Variants in QKI observed in about 807,000 individuals in gnomAD.
The protein encoded by QKI is KH domain-containing RNA-binding protein QKI.
Under a neutral mutation model 39.0 loss-of-function variants are expected in QKI, and 10 were observed. The ratio of observed to expected loss-of-function variants is 0.26; its 90% CI spans 0.16 to 0.43. QKI has a LOEUF of 0.43. Among genes scored for constraint, QKI ranks in the 20% least tolerant of loss-of-function variants. The probability of loss-of-function intolerance (pLI) is 1.00; values close to 1 mark genes in which losing one functional copy is unlikely to be tolerated. For synonymous variants in QKI, 204 were observed against 155.4 expected (o/e 1.31, Z -2.33); for missense variants, 218 against 428.0 (o/e 0.51, Z 4.33).
chr6:163,433,763 C>G (rs1446195812), intron 1 of QKI, among the ~76,000 whole-genome samples: 1 of 151,186 alleles, frequency 6.6e-6, no homozygotes, highest in East Asian at 1.9e-4. Context: ...TGAGACTCCT[C>G]TCATAAAAAA....
At chr6:163,550,774 A>G (rs1583206306) in intron 4 of QKI, among the ~76,000 whole-genome samples, 1 of 151,648 alleles carries the variant, frequency 6.6e-6, no homozygotes, top group Non-Finnish European at 1.5e-5. Flanking sequence ...GTGAAACCCC[A>G]TCTCTACTAA....
intron 7 of QKI, 31 bp from the exon 8 acceptor site, chr6:163,570,663 G>C: frequency 1.3e-6 from 2 of 1,592,912 alleles, no homozygotes; most frequent in Non-Finnish European, 8.5e-7. Context: ...TCTTTTTTTT[G>C]TTTTGTTTTT....
chr6:163,484,730 A>G (rs1361098699), intron 3 of QKI, among the ~76,000 whole-genome samples: 1 of 152,172 alleles, frequency 6.6e-6, no homozygotes, highest in Non-Finnish European at 1.5e-5. Flanking sequence ...ACTGTCTTAT[A>G]TGGGCATGGT....
chr6:163,561,923 A>T, intron 4 of QKI, 59 bp from the exon 5 acceptor site: 1 of 1,286,668 alleles, frequency 7.8e-7, no homozygotes. Context: ...GTGTAGATAT[A>T]GCTATTATAT....
intron 3 of QKI, among the ~76,000 whole-genome samples, chr6:163,488,571 AAG>A (rs1777831770): frequency 6.6e-6 from 1 of 152,160 alleles, no homozygotes; most frequent in Non-Finnish European, 1.5e-5. Flanking sequence ...TATTTCAAAA[AAG>A]GAATACAAAG....
intron 3 of QKI, among the ~76,000 whole-genome samples, chr6:163,522,713 T>C (rs1447089749): frequency 1.3e-5 from 2 of 152,278 alleles, no homozygotes; most frequent in Middle Eastern, 3.4e-3. Flanking sequence ...GTTCTCAAAG[T>C]TCATTTATGC....
chr6:163,457,747 G>A (rs1220634447), intron 2 of QKI, among the ~76,000 whole-genome samples: 1 of 151,934 alleles, frequency 6.6e-6, no homozygotes, highest in East Asian at 1.9e-4. Context: ...ACAGTAAGTG[G>A]TGAAGTGATG....
At chr6:163,453,050 A>G (rs1022411150) in intron 1 of QKI, among the ~76,000 whole-genome samples, 2 of 150,134 alleles carry the variant, frequency 1.3e-5, no homozygotes, top group African/African-American at 4.9e-5. Flanking sequence ...TTTTTAATCT[A>G]GTCATTTTAT....
chr6:163,446,672 A>T (rs542715339), intron 1 of QKI, among the ~76,000 whole-genome samples: 7 of 152,220 alleles, frequency 4.6e-5, no homozygotes, highest in Non-Finnish European at 8.8e-5. Context: ...ATTAACGTGT[A>T]AAAGTAAACA....
chr6:163,487,623 T>G (rs1362576667), intron 3 of QKI, among the ~76,000 whole-genome samples: 1 of 152,084 alleles, frequency 6.6e-6, no homozygotes, highest in African/African-American at 2.4e-5. Flanking sequence ...TTGGCTTCAC[T>G]GGGTGATTTG....
rs1281404432 is a variant in QKI at position 163,577,000 on chromosome 6, TAAG to T, written c.*6296_*6298del. Reference sequence around the variant, plus strand: ...ACAGTTTTTATGTAGTTTTCGAATGTAAGAAGAAAGGAATGCTGACCAAAACTT... The same window carrying T: ...ACAGTTTTTATGTAGTTTTCGAATGTAAGAAAGGAATGCTGACCAAAACTT... On this transcript the variant is annotated 3_prime_UTR_variant, in exon 8 of 8. Coordinates refer to ENST00000361752, the MANE Select transcript of QKI (RefSeq NM_006775.3). 4 of 152,248 alleles carry T rather than the reference TAAG, an allele frequency of 2.6e-5. No homozygotes were observed. The East Asian group carries it at 7.7e-4, about 29-fold the overall frequency. The allele number at this position is 152,248 out of a possible 1,614,324, so 9.4% of individuals were successfully genotyped here.
chr6:163,505,320 T>C (rs571505358), intron 3 of QKI, among the ~76,000 whole-genome samples: 1 of 152,266 alleles, frequency 6.6e-6, no homozygotes, highest in Admixed American at 6.5e-5. Flanking sequence ...CATGGCCTAA[T>C]GGAGCTATGA....
At chr6:163,494,272 C>T (rs749101104) in intron 3 of QKI, among the ~76,000 whole-genome samples, 5 of 152,120 alleles carry the variant, frequency 3.3e-5, no homozygotes, top group Non-Finnish European at 7.3e-5. Flanking sequence ...GGAGGATGAG[C>T]CTGAGTTCTG....
intron 2 of QKI, among the ~76,000 whole-genome samples, chr6:163,477,179 CTA>C (rs1792682675): frequency 6.6e-6 from 1 of 152,002 alleles, no homozygotes; most frequent in African/African-American, 2.4e-5. Flanking sequence ...CCAAGCCTGG[CTA>C]AGTTTTGTAT....
chr6:163,487,225 AAAGAC>A (rs1777739782), intron 3 of QKI, among the ~76,000 whole-genome samples: 1 of 152,030 alleles, frequency 6.6e-6, no homozygotes, highest in Non-Finnish European at 1.5e-5. Context: ...TAAGCAATGG[AAAGAC>A]AAGTAGTGTA....
intron 1 of QKI, among the ~76,000 whole-genome samples, chr6:163,443,457 A>G (rs888093623): frequency 5.3e-5 from 8 of 152,322 alleles, no homozygotes; most frequent in South Asian, 2.1e-4. Context: ...ATTCCCAGCT[A>G]CTTGGGAGAC....
chr6:163,441,861 A>C (rs925071392), intron 1 of QKI, among the ~76,000 whole-genome samples: 1 of 152,160 alleles, frequency 6.6e-6, no homozygotes, highest in Non-Finnish European at 1.5e-5. Flanking sequence ...AGGACATTTG[A>C]TCAGAAGGGC....
At chr6:163,467,182 C>T (rs1791830082) in intron 2 of QKI, among the ~76,000 whole-genome samples, 1 of 152,138 alleles carries the variant, frequency 6.6e-6, no homozygotes, top group Non-Finnish European at 1.5e-5. Flanking sequence ...CGTGCGTGTA[C>T]ATGCGTGGGC....
At chr6:163,444,965 G>A (rs1458753675) in intron 1 of QKI, among the ~76,000 whole-genome samples, 1 of 152,098 alleles carries the variant, frequency 6.6e-6, no homozygotes, top group South Asian at 2.1e-4. Context: ...GGCGAGTGCA[G>A]CGGAGTGATC....
Sources: gnomAD v4.1 joint callset for allele counts (sites outside exome capture counted in the v4.1 genomes callset) on GRCh38, gnomAD v4.1.1 for gene constraint, MANE v1.5 for transcripts, NCBI Gene and HGNC (gene_info 2026-07-23, HGNC 2026-07-21) for gene names.